RETREG1: variants seen among roughly 807,000 people sequenced by gnomAD.
RETREG1 encodes reticulophagy regulator 1.
Under a neutral mutation model 54.8 loss-of-function variants are expected in RETREG1, and 44 were observed. The ratio of observed to expected loss-of-function variants is 0.80; its 90% confidence interval spans 0.63 to 1.03. The LOEUF (loss-of-function observed/expected upper bound fraction) is 1.03, where lower values mean the gene tolerates loss of function less well. Ranked by LOEUF, RETREG1 falls within the 50% of genes least tolerant of loss-of-function variation. RETREG1 has a pLI of 0.00. For missense variants in RETREG1, 554 were observed against 605.1 expected, an observed-to-expected ratio of 0.92 and a Z score of 0.89; for synonymous variants, 217 against 238.5, an observed-to-expected ratio of 0.91 and a Z score of 0.83.
chr5:16,591,275 A>G (rs1002912624), intron 1 of RETREG1, among the ~76,000 whole-genome samples: 8 of 152,218 alleles, frequency 5.3e-5, no homozygotes, highest in Middle Eastern at 3.2e-3. Context: ...AGAAGAATAC[A>G]AACTAACACA....
At chr5:16,565,848 A>G in intron 2 of RETREG1, 55 bp from the exon 3 acceptor site, 6 of 1,577,374 alleles carry the variant, frequency 3.8e-6, no homozygotes, top group Non-Finnish European at 5.2e-6. Context: ...TTCTCCTGAA[A>G]TATTTCTCAA....
At chr5:16,547,430 A>C (rs1741418795) in intron 3 of RETREG1, among the ~76,000 whole-genome samples, 1 of 152,254 alleles carries the variant, frequency 6.6e-6, no homozygotes, top group African/African-American at 2.4e-5. Context: ...CCTTTGGTAC[A>C]TTCCACATTC....
intron 3 of RETREG1, among the ~76,000 whole-genome samples, chr5:16,505,398 G>A (rs1739909874): frequency 1.3e-5 from 2 of 152,082 alleles, no homozygotes; most frequent in Admixed American, 1.3e-4. Flanking sequence ...AAATACTCTT[G>A]CTTACTTTTT....
At chr5:16,572,465 G>A (rs1048870100) in intron 1 of RETREG1, among the ~76,000 whole-genome samples, 41 of 152,072 alleles carry the variant, frequency 2.7e-4, no homozygotes, top group African/African-American at 8.9e-4. Flanking sequence ...CACCCACCTC[G>A]GCCTCCCAAA....
chr5:16,523,602 G>A (rs1193468980), intron 3 of RETREG1, among the ~76,000 whole-genome samples: 1 of 152,106 alleles, frequency 6.6e-6, no homozygotes, highest in African/African-American at 2.4e-5. Flanking sequence ...ATTTGCAACT[G>A]TAGTTATTAT....
At chr5:16,540,498 C>T (rs1741209954) in intron 3 of RETREG1, among the ~76,000 whole-genome samples, 2 of 152,188 alleles carry the variant, frequency 1.3e-5, no homozygotes, top group Admixed American at 6.5e-5. Context: ...CTCTCTGATT[C>T]TGGAAATTCA....
At chr5:16,531,589 G>A (rs1266868927) in intron 3 of RETREG1, among the ~76,000 whole-genome samples, 1 of 152,172 alleles carries the variant, frequency 6.6e-6, no homozygotes, top group Non-Finnish European at 1.5e-5. Context: ...ACAGGAGACA[G>A]CCTTGGAGGT....
intron 1 of RETREG1, 96 bp from the exon 2 acceptor site, chr5:16,572,198 T>A: frequency 1.2e-6 from 1 of 816,690 alleles, no homozygotes; most frequent in Non-Finnish European, 2.1e-6. Flanking sequence ...AAAAAGGTAT[T>A]CAATAATGAT....
chr5:16,615,399 C>CAAAAAAAA (rs35626131), intron 1 of RETREG1, among the ~76,000 whole-genome samples: 2 of 92,812 alleles, frequency 2.2e-5, no homozygotes, highest in Admixed American at 1.1e-4. Flanking sequence ...GACTCCATCT[C>CAAAAAAAA]AAAAAAAAAA....
At chr5:16,522,283 A>G (rs908920134) in intron 3 of RETREG1, among the ~76,000 whole-genome samples, 4 of 151,850 alleles carry the variant, frequency 2.6e-5, no homozygotes, top group Non-Finnish European at 4.4e-5. Flanking sequence ...GGATTCCTCC[A>G]GTAATCTAAT....
intron 3 of RETREG1, among the ~76,000 whole-genome samples, chr5:16,543,140 C>A (rs952797746): frequency 6.6e-6 from 1 of 152,158 alleles, no homozygotes; most frequent in Non-Finnish European, 1.5e-5. Flanking sequence ...CCTTGAGATT[C>A]TTTCATGTTA....
intron 8 of RETREG1, among the ~76,000 whole-genome samples, chr5:16,477,433 C>A (rs1738582465): frequency 6.6e-6 from 1 of 152,128 alleles, no homozygotes; most frequent in South Asian, 2.1e-4. Flanking sequence ...CTAGGCATTT[C>A]ATATAAATGG....
At chr5:16,595,794 C>T (rs1012352330) in intron 1 of RETREG1, among the ~76,000 whole-genome samples, 7 of 152,154 alleles carry the variant, frequency 4.6e-5, no homozygotes, top group Non-Finnish European at 5.9e-5. Context: ...TCTGAGACAA[C>T]GGCCTGAATC....
At chr5:16,529,071 C>T (rs1339060862) in intron 3 of RETREG1, among the ~76,000 whole-genome samples, 5 of 152,244 alleles carry the variant, frequency 3.3e-5, no homozygotes, top group Admixed American at 1.3e-4. Context: ...ATGATTCTCA[C>T]TTTAGGTATT....
intron 1 of RETREG1, among the ~76,000 whole-genome samples, chr5:16,579,230 T>A (rs1561127692): frequency 6.6e-6 from 1 of 152,182 alleles, no homozygotes; most frequent in Non-Finnish European, 1.5e-5. Context: ...ACTCATTGAA[T>A]CCTGTATCCC....
chr5:16,510,995 A>G (rs1740158088), intron 3 of RETREG1, among the ~76,000 whole-genome samples: 1 of 152,114 alleles, frequency 6.6e-6, no homozygotes, highest in African/African-American at 2.4e-5. Flanking sequence ...GCTGGTTACC[A>G]CAGAACTGAA....
chr5:16,525,302 C>T lies in RETREG1; in HGVS notation c.458+40461G>A, dbSNP rs892000804. On this transcript the variant is annotated intron_variant, in intron 3 of 8. Coordinates refer to ENST00000306320, the MANE Select transcript of RETREG1 (RefSeq NM_001034850.3). ...CGCGGGGGGACACTGTGCTGATTTG[C>T]GTCCTCCAGCCCCAACAGGTGGATG... Among the ~76,000 whole-genome samples, 18 of 87,256 alleles carry T rather than the reference C, an allele frequency of 2.1e-4. 1 individual carries two copies. The highest frequency in any genetic ancestry group is 5.3e-4 in the South Asian group (1 of 1,884). The allele number at this position is 87,256 out of a possible 152,430, so 57.2% of individuals were successfully genotyped here. A position where few individuals can be genotyped will look rare whatever the true frequency, so the allele number is the denominator to read the frequency against.
At chr5:16,507,953 A>ACT (rs1561095483) in intron 3 of RETREG1, among the ~76,000 whole-genome samples, 1 of 152,120 alleles carries the variant, frequency 6.6e-6, no homozygotes, top group African/African-American at 2.4e-5. Flanking sequence ...GCAGACTTTC[A>ACT]CTCTGGGCAC....
intron 1 of RETREG1, among the ~76,000 whole-genome samples, chr5:16,580,188 G>A (rs909653426): frequency 2.6e-5 from 4 of 152,138 alleles, no homozygotes; most frequent in Non-Finnish European, 5.9e-5. Context: ...CACCATGCAT[G>A]TTCTATCTGG....
Sources: gnomAD v4.1 joint callset for allele counts (sites outside exome capture counted in the v4.1 genomes callset) on GRCh38, gnomAD v4.1.1 for gene constraint, MANE v1.5 for transcripts, NCBI Gene and HGNC (gene_info 2026-07-23, HGNC 2026-07-21) for gene names.